The following ADAMTS7 variants were observed in gnomAD, a reference collection of about 807,000 sequenced individuals.
ADAMTS7 encodes A disintegrin and metalloproteinase with thrombospondin motifs 7.
Under a neutral mutation model 172.6 loss-of-function variants are expected in ADAMTS7, and 89 were observed. The ratio of observed to expected loss-of-function variants is 0.52; its 90% CI spans 0.43 to 0.61. The LOEUF (loss-of-function observed/expected upper bound fraction) is 0.61, where lower values mean the gene tolerates loss of function less well. Ranked by LOEUF, ADAMTS7 falls within the 20% of genes least tolerant of loss-of-function variation. ADAMTS7 has a pLI of 0.00. For synonymous variants in ADAMTS7, 885 were observed against 978.4 expected (o/e 0.90, Z 1.78); for missense variants, 1,973 against 2,355.6 (o/e 0.84, Z 3.36).
chr15:78,796,045 C>T (rs1410091747), intron 4 of ADAMTS7, among the ~76,000 whole-genome samples: 1 of 152,178 alleles, frequency 6.6e-6, no homozygotes, highest in East Asian at 1.9e-4. Context: ...TGTCGTCATG[C>T]CCAGTTCACA....
chr15:78,759,534 G>T lies in ADAMTS7; in HGVS notation c.4948C>A (p.Arg1650Ser). ...RLSFGFCETL[R>S]LLGRCQLPTI... ...GGCAGCTGGCAGCGGCCCAGTAGGC[G>T]CAGCGTCTCGCAGAACCCGAAGGAC... is the stretch of plus-strand genomic sequence containing the variant. Residue 1650 changes from arginine (R) to serine (S), a missense_variant, in exon 24 of 24, where the codon CGC becomes AGC. This residue lies in a region of ADAMTS7 where 94 missense variants were observed against 95.4 expected (regional missense o/e 0.99). Coordinates refer to ENST00000388820, the MANE Select transcript of ADAMTS7 (RefSeq NM_014272.5). 1.9e-6 allele frequency: 3 copies of T among 1,595,094 alleles called. No homozygotes were observed. The highest frequency in any genetic ancestry group is 1.7e-6 in the Non-Finnish European group (2 of 1,176,350).
At position 78,796,786 on chromosome 15, in the gene ADAMTS7, A is replaced by G. The variant is rs776181034; in HGVS notation, c.623T>C (p.Val208Ala). Reference sequence around the variant, plus strand: ...CCGTCGAGACTCCAGCTCTGGGTACACTGGAGGCCCAGATGGGGTGGAGTT... The same window carrying G: ...CCGTCGAGACTCCAGCTCTGGGTACGCTGGAGGCCCAGATGGGGTGGAGTT... ...SSAPSTCGVQ[V>A]YPELESRRER... Residue 208 changes from valine to alanine, a missense_variant and splice_region_variant, in exon 4 of 24, where the codon GTG becomes GCG. Val to Ala is a moderately conservative substitution (Grantham distance 64, BLOSUM62 0). This residue lies in a region of ADAMTS7 where 526 missense variants were observed against 662.9 expected (regional missense o/e 0.79). Coordinates refer to ENST00000388820, the MANE Select transcript of ADAMTS7 (RefSeq NM_014272.5). The G allele has an allele frequency of 6.8e-6, 11 of 1,607,006 alleles. No individual in the cohort carries two copies. The East Asian group carries it at 1.8e-4, about 26-fold the overall frequency.
chr15:78,769,714 G>A (rs1596177710), intron 16 of ADAMTS7, among the ~76,000 whole-genome samples: 1 of 152,224 alleles, frequency 6.6e-6, no homozygotes, highest in Middle Eastern at 3.2e-3. Context: ...CTGAGACAAA[G>A]AACCCCTGTC....
At chr15:78,786,849 C>G (rs1177927577) in intron 8 of ADAMTS7, among the ~76,000 whole-genome samples, 1 of 152,168 alleles carries the variant, frequency 6.6e-6, no homozygotes, top group African/African-American at 2.4e-5. Flanking sequence ...CACAGGTCCA[C>G]TTACATGTGG....
chr15:78,794,535 G>T (rs1381278938), intron 4 of ADAMTS7, among the ~76,000 whole-genome samples: 1 of 152,220 alleles, frequency 6.6e-6, no homozygotes, highest in Non-Finnish European at 1.5e-5. Context: ...GTCAGAGCAG[G>T]TGAGTGTGAG....
chr15:78,809,384 AC>A (rs2141532747), intron 1 of ADAMTS7, among the ~76,000 whole-genome samples: 1 of 152,014 alleles, frequency 6.6e-6, no homozygotes, highest in South Asian at 2.1e-4. Flanking sequence ...AACAGGAAGG[AC>A]CCCATGCTCT....
intron 8 of ADAMTS7, among the ~76,000 whole-genome samples, chr15:78,785,365 C>T (rs1287154203): frequency 1.3e-5 from 2 of 151,982 alleles, no homozygotes; most frequent in African/African-American, 2.4e-5. Context: ...GCCTGGCCAA[C>T]ATGGAAACCC....
chr15:78,789,089 C>A (rs1273876862), intron 7 of ADAMTS7, among the ~76,000 whole-genome samples: 5 of 152,226 alleles, frequency 3.3e-5, no homozygotes, highest in African/African-American at 9.6e-5. Flanking sequence ...AATGGATGAC[C>A]CCAACAGCTT....
intron 7 of ADAMTS7, among the ~76,000 whole-genome samples, chr15:78,788,614 C>A (rs1449194655): frequency 6.6e-6 from 1 of 152,246 alleles, no homozygotes; most frequent in Non-Finnish European, 1.5e-5. Flanking sequence ...GAAATGAGGG[C>A]CAGGGACCCA....
At chr15:78,769,498 G>A (rs1452480051) in intron 16 of ADAMTS7, among the ~76,000 whole-genome samples, 1 of 152,218 alleles carries the variant, frequency 6.6e-6, no homozygotes, top group African/African-American at 2.4e-5. Context: ...ACTGGCTCGG[G>A]AGAAAAAGGC....
At chr15:78,781,416 T>C (rs2055426684) in intron 8 of ADAMTS7, among the ~76,000 whole-genome samples, 1 of 152,170 alleles carries the variant, frequency 6.6e-6, no homozygotes, top group Non-Finnish European at 1.5e-5. Flanking sequence ...TGAAAGGACC[T>C]TGGGAGGATG....
chr15:78,759,746 G>A (rs1303430040), intron 23 of ADAMTS7, among the ~76,000 whole-genome samples, 168 bp from the exon 24 acceptor site: 3 of 152,290 alleles, frequency 2.0e-5, no homozygotes, highest in Non-Finnish European at 4.4e-5. Context: ...AACTGTTGCT[G>A]TCTCTGTCCC....
rs2055190524 is a variant in ADAMTS7 at position 78,768,165 on chromosome 15, C to A, written c.2613G>T (p.Gln871His). 1 of 1,604,276 alleles carries A rather than the reference C, an allele frequency of 6.2e-7. No individual in the cohort carries two copies. Among genetic ancestry groups the A allele is most frequent in the African/African-American group, 1.4e-5 (1 of 73,422 alleles). The change falls in exon 17 of 24, where the codon CAG (glutamine) becomes CAT (histidine). Residue 871 changes from glutamine (Q) to histidine (H), a missense_variant. Physicochemically the swap from Gln to His is conservative, Grantham distance 24. Around this residue, in one of 8 missense-constraint regions of ADAMTS7, gnomAD observed 771 missense variants for 952.6 expected, o/e 0.81. Coordinates refer to ENST00000388820, the MANE Select transcript of ADAMTS7 (RefSeq NM_014272.5). Reference protein sequence around the residue: ...CDPLGRPDDQQRKCSEQPCPA... With the variant: ...CDPLGRPDDQHRKCSEQPCPA... Reference sequence around the variant, plus strand: ...GGCAGGGCTGCTCGCTGCACTTCCTCTGTTGGTCATCAGGCCGGCCCAGGG... The same window carrying A: ...GGCAGGGCTGCTCGCTGCACTTCCTATGTTGGTCATCAGGCCGGCCCAGGG...
chr15:78,773,373 C>T (rs1176025458), intron 13 of ADAMTS7, among the ~76,000 whole-genome samples, 170 bp from the exon 14 acceptor site: 2 of 150,466 alleles, frequency 1.3e-5, no homozygotes, highest in African/African-American at 2.4e-5. Flanking sequence ...AACCTCTCTA[C>T]TTCCCTAAGC....
Position 78,767,490 on chromosome 15 carries a change from C to A in ADAMTS7, c.2748G>T (p.Gln916His). 6.2e-7 allele frequency: 1 copy of A among 1,610,558 alleles called. No individual in the cohort carries two copies. Among genetic ancestry groups the A allele is most frequent in the Non-Finnish European group, 8.5e-7 (1 of 1,179,462 alleles). Residue 916 changes from glutamine (Q) to histidine (H), a missense_variant, in exon 18 of 24, where the codon CAG becomes CAT. Gln to His is a conservative substitution (Grantham distance 24). Around this residue, in one of 8 missense-constraint regions of ADAMTS7, gnomAD observed 771 missense variants for 952.6 expected, o/e 0.81. Coordinates refer to ENST00000388820, the MANE Select transcript of ADAMTS7 (RefSeq NM_014272.5). ...LCIRSVGLDE[Q>H]SALEPPACEH... Reference sequence around the variant, plus strand: ...CACAGGCGGGTGGCTCCAGGGCGCTCTGCTCATCCAGCCCCACGCTGCGGA... The same window carrying A: ...CACAGGCGGGTGGCTCCAGGGCGCTATGCTCATCCAGCCCCACGCTGCGGA...
chr15:78,773,451 T>A (rs2055287498), intron 13 of ADAMTS7, among the ~76,000 whole-genome samples: 1 of 151,596 alleles, frequency 6.6e-6, no homozygotes, highest in African/African-American at 2.4e-5. Flanking sequence ...GAGCATCACA[T>A]GAGACAAGAG....
At chr15:78,805,958 T>C (rs1274446907) in intron 1 of ADAMTS7, among the ~76,000 whole-genome samples, 6 of 151,614 alleles carry the variant, frequency 4.0e-5, no homozygotes, top group Admixed American at 6.6e-5. Context: ...TGTATGCCTA[T>C]AGTCTCAGCT....
In ADAMTS7 at chr15:78,770,903, C is replaced by T. The variant is rs1240459379; in HGVS notation, c.2518+259G>A. 13 of 530,904 alleles carry T rather than the reference C, an allele frequency of 2.4e-5. 1 individual carries two copies. Among genetic ancestry groups the T allele is most frequent in the East Asian group, 1.5e-4 (5 of 32,304 alleles). 32.9% of individuals were successfully genotyped at this position (530,904 alleles called of 1,614,324 possible). ...GTCTATCGAGGGGGAGCTGTGTCCC[C>T]TGGAGGGAGAACGCCAAGAGCTGGA... On this transcript the variant is annotated intron_variant, in intron 16 of 23. Transcript: ENST00000388820.
At chr15:78,784,811 TCTGAAGAAGAGTCACTTC>T (rs2055479599) in intron 8 of ADAMTS7, among the ~76,000 whole-genome samples, 1 of 152,028 alleles carries the variant, frequency 6.6e-6, no homozygotes, top group African/African-American at 2.4e-5. Context: ...CCTTCGACAT[TCTGAAGAAGAGTCACTTC>T]CAACCCGAAG....
Sources: allele counts gnomAD v4.1 joint callset (sites outside exome capture counted in the v4.1 genomes callset), GRCh38; gene constraint gnomAD v4.1.1; regional missense constraint gnomAD v4.1.1; transcripts MANE v1.5; gene names NCBI Gene and HGNC (gene_info 2026-07-23, HGNC 2026-07-21).